Variants in PHF21A observed in about 807,000 individuals in gnomAD.
PHF21A encodes the protein PHD finger protein 21A, also known as BHC80a.
A neutral mutation model predicts 82.5 loss-of-function variants in PHF21A; 11 were observed. The ratio of observed to expected loss-of-function variants is 0.13; its 90% CI spans 0.08 to 0.22. The LOEUF (loss-of-function observed/expected upper bound fraction) is 0.22, where lower values mean the gene tolerates loss of function less well. Ranked by LOEUF, PHF21A falls within the 10% of genes least tolerant of loss-of-function variation. The pLI, the probability that PHF21A is intolerant of heterozygous loss-of-function variation, is 1.00. For missense variants in PHF21A, 579 were observed against 837.8 expected, an observed-to-expected ratio of 0.69 and a Z score of 3.81; for synonymous variants, 297 against 302.8, an observed-to-expected ratio of 0.98 and a Z score of 0.20.
intron 1 of PHF21A, among the ~76,000 whole-genome samples, chr11:46,110,444 C>A (rs1438461666): frequency 6.6e-6 from 1 of 152,170 alleles, no homozygotes. Flanking sequence ...TACATGGCTG[C>A]CCAGTTTTAC....
chr11:45,963,583 ATC>A lies in PHF21A; in HGVS notation c.996+1730_996+1731del, dbSNP rs1163216793. On this transcript the variant is annotated intron_variant, in intron 10 of 18. Transcript: ENST00000676320. ...CAATTTATATTTTTGTAATGTTTGA[ATC>A]TGTTTTAAAAATGAACTTGTACTAT... is the stretch of plus-strand genomic sequence containing the variant. 4.6e-5 allele frequency among the ~76,000 whole-genome samples: 7 copies of A among 152,314 alleles called. No individual in the cohort carries two copies. The East Asian group carries it at 1.2e-3, about 25-fold the overall frequency.
At chr11:45,953,767 A>C in intron 10 of PHF21A, 142 bp from the exon 11 acceptor site, 1 of 604,536 alleles carries the variant, frequency 1.7e-6, no homozygotes, top group Non-Finnish European at 2.9e-6. Flanking sequence ...GGTTAGTATT[A>C]TAGATTTCAT....
intron 12 of PHF21A, 35 bp from the exon 13 acceptor site, chr11:45,949,516 G>T: frequency 1.3e-6 from 2 of 1,547,914 alleles, no homozygotes; most frequent in Non-Finnish European, 1.8e-6. Context: ...TAGCAGAGAG[G>T]CATGGAGAAC....
intron 11 of PHF21A, among the ~76,000 whole-genome samples, chr11:45,952,960 T>C (rs1223051573): frequency 6.6e-6 from 1 of 152,280 alleles, no homozygotes; most frequent in African/African-American, 2.4e-5. Flanking sequence ...TTGCTATTTA[T>C]GTTTATAATT....
At chr11:46,083,086 TTAAAC>T (rs2096812810) in intron 4 of PHF21A, among the ~76,000 whole-genome samples, 1 of 152,126 alleles carries the variant, frequency 6.6e-6, no homozygotes, top group African/African-American at 2.4e-5. Flanking sequence ...CACCTCTATG[TTAAAC>T]TAATTTCACT....
intron 7 of PHF21A, among the ~76,000 whole-genome samples, chr11:45,974,227 C>A (rs2136153536): frequency 6.6e-6 from 1 of 152,068 alleles, no homozygotes; most frequent in South Asian, 2.1e-4. Context: ...ACACCAAGAC[C>A]CAGGTAGTGC....
intron 6 of PHF21A, among the ~76,000 whole-genome samples, chr11:46,038,643 T>C (rs1565671911): frequency 6.6e-6 from 1 of 152,202 alleles, no homozygotes; most frequent in Non-Finnish European, 1.5e-5. Flanking sequence ...GGGCCATATC[T>C]GGTGAGAGCT....
chr11:45,945,269 C>G (rs536499035), intron 15 of PHF21A, among the ~76,000 whole-genome samples: 2 of 152,252 alleles, frequency 1.3e-5, no homozygotes, highest in African/African-American at 4.8e-5. Flanking sequence ...TTCATTTAAA[C>G]ATTTAGAGCA....
In PHF21A at chr11:45,930,543, G is replaced by A. The variant is rs1469197372; in HGVS notation, c.*3425C>T. On this transcript the variant is annotated 3_prime_UTR_variant, in exon 19 of 19. Transcript: ENST00000676320. ...AGCACAGGTGAGACAAGACCCAGCA[G>A]GCTCCATGAAAGAAAAAGGACCCAC... The A allele has an allele frequency of 2.0e-5, 3 of 152,770 alleles. No homozygotes were observed. The highest frequency in any genetic ancestry group is 7.2e-5 in the African/African-American group (3 of 41,490). 9.5% of individuals were successfully genotyped at this position (152,770 alleles called of 1,614,324 possible).
intron 6 of PHF21A, among the ~76,000 whole-genome samples, chr11:46,068,973 C>T (rs953716309): frequency 1.3e-5 from 2 of 152,116 alleles, no homozygotes; most frequent in Non-Finnish European, 2.9e-5. Flanking sequence ...ATCTCTTTCT[C>T]AAAGAGATAG....
rs2087546390 is a variant in PHF21A at position 45,930,290 on chromosome 11, G to A, written c.*3678C>T. The stretch of plus-strand genomic sequence containing the variant: ...CGGTCACCCTCACGGAAACAGCTGT[G>A]TGTAACCACCTCCATGCACGCTGCC... On this transcript the variant is annotated 3_prime_UTR_variant, in exon 19 of 19. Coordinates refer to ENST00000676320, the MANE Select transcript of PHF21A (RefSeq NM_001352027.3). The A allele has an allele frequency of 6.6e-6, 1 of 152,302 alleles. No homozygotes were observed. The highest frequency in any genetic ancestry group is 6.5e-5 in the Admixed American group (1 of 15,290). The allele number at this position is 152,302 out of a possible 1,614,324, so 9.4% of individuals were successfully genotyped here. A position where few individuals can be genotyped will look rare whatever the true frequency, so the allele number is the denominator to read the frequency against.
intron 6 of PHF21A, among the ~76,000 whole-genome samples, chr11:46,054,380 T>C (rs185943929): frequency 5.5e-4 from 84 of 152,310 alleles, no homozygotes; most frequent in Admixed American, 3.9e-3. Context: ...AAAAATGCTA[T>C]GTCAAATTGG....
At chr11:46,057,810 C>T (rs556466604) in intron 6 of PHF21A, among the ~76,000 whole-genome samples, 4 of 152,096 alleles carry the variant, frequency 2.6e-5, no homozygotes, top group South Asian at 4.2e-4. Flanking sequence ...AGATGAGAGC[C>T]GACTCAGAGG....
intron 1 of PHF21A, among the ~76,000 whole-genome samples, chr11:46,105,676 AATG>A (rs1298211712): frequency 2.0e-5 from 3 of 152,234 alleles, no homozygotes; most frequent in Non-Finnish European, 4.4e-5. Context: ...ACAAATGTCC[AATG>A]ATAACTACAA....
chr11:46,093,291 T>C (rs1160989897), intron 1 of PHF21A, among the ~76,000 whole-genome samples: 2 of 152,244 alleles, frequency 1.3e-5, no homozygotes, highest in Non-Finnish European at 2.9e-5. Context: ...ATGGTGTTTG[T>C]TGACTGATAT....
chr11:46,057,779 T>C (rs904686470), intron 6 of PHF21A, among the ~76,000 whole-genome samples: 2 of 152,104 alleles, frequency 1.3e-5, no homozygotes, highest in Non-Finnish European at 2.9e-5. Flanking sequence ...AACCTTGGCA[T>C]AAATGCATCA....
At chr11:45,983,385 G>A (rs1405936139) in intron 6 of PHF21A, among the ~76,000 whole-genome samples, 1 of 152,058 alleles carries the variant, frequency 6.6e-6, no homozygotes, top group Non-Finnish European at 1.5e-5. Flanking sequence ...TTAAAAGATA[G>A]CGTTGGTATG....
chr11:45,994,205 T>C (rs1367821254), intron 6 of PHF21A, among the ~76,000 whole-genome samples: 2 of 152,170 alleles, frequency 1.3e-5, no homozygotes, highest in African/African-American at 2.4e-5. Context: ...ACTGGCAACA[T>C]TTAGACTGGG....
At chr11:46,065,620 T>C (rs1327994009) in intron 6 of PHF21A, among the ~76,000 whole-genome samples, 2 of 152,228 alleles carry the variant, frequency 1.3e-5, no homozygotes, top group African/African-American at 4.8e-5. Flanking sequence ...TCTGTACTGA[T>C]ACAATTATAA....
Sources: allele counts gnomAD v4.1 joint callset (sites outside exome capture counted in the v4.1 genomes callset), GRCh38; gene constraint gnomAD v4.1.1; transcripts MANE v1.5; gene names NCBI Gene and HGNC (gene_info 2026-07-23, HGNC 2026-07-21).